PSMG2: variants seen among roughly 807,000 people sequenced by gnomAD.
PSMG2 encodes the protein proteasome assembly chaperone 2, also known as CD40 ligand-activated specific transcript 3.
In PSMG2, 21 loss-of-function variants were observed where a neutral mutation model predicts 31.5. The ratio of observed to expected loss-of-function variants is 0.67; its 90% CI spans 0.47 to 0.96. The LOEUF is 0.96. Ranked by LOEUF, PSMG2 falls within the 40% of genes least tolerant of loss-of-function variation. The pLI is 0.00. For synonymous variants in PSMG2, 120 were observed against 110.4 expected, an observed-to-expected ratio of 1.09 and a Z score of -0.54; for missense variants, 318 against 321.2, an observed-to-expected ratio of 0.99 and a Z score of 0.08.
chr18:12,698,001 ATACCTT>A (rs1205271858), intron 1 of PSMG2, among the ~76,000 whole-genome samples: 1 of 152,140 alleles, frequency 6.6e-6, no homozygotes, highest in East Asian at 1.9e-4. Flanking sequence ...AAAATACAAA[ATACCTT>A]TACTGAAAGA....
intron 1 of PSMG2, among the ~76,000 whole-genome samples, chr18:12,693,696 T>C (rs1433896294): frequency 2.0e-5 from 3 of 151,996 alleles, no homozygotes; most frequent in East Asian, 1.9e-4. Flanking sequence ...GGCAGGAGAA[T>C]TGCTTGAACT....
At chr18:12,717,702 A>T (rs1001495017) in intron 3 of PSMG2, among the ~76,000 whole-genome samples, 1 of 152,226 alleles carries the variant, frequency 6.6e-6, no homozygotes, top group Admixed American at 6.5e-5. Context: ...TTTGGCTGTT[A>T]CATCTTTTTA....
intron 1 of PSMG2, among the ~76,000 whole-genome samples, chr18:12,683,117 G>A (rs760962383): frequency 8.7e-5 from 13 of 149,406 alleles, no homozygotes; most frequent in Non-Finnish European, 1.5e-4. Flanking sequence ...AGGCTGAAGC[G>A]GGCAGATCAC....
intron 1 of PSMG2, chr18:12,691,620 T>A (rs1244715047): frequency 1.7e-6 from 1 of 580,426 alleles, no homozygotes; most frequent in Non-Finnish European, 2.9e-6. Context: ...TATAAGAGCC[T>A]CCTGACTTCC....
chr18:12,666,559 C>A (rs1165306079), intron 1 of PSMG2, among the ~76,000 whole-genome samples: 1 of 151,230 alleles, frequency 6.6e-6, no homozygotes, highest in African/African-American at 2.4e-5. Flanking sequence ...CCCACCTCAG[C>A]TTCTCAAATA....
chr18:12,672,838 G>C, intron 1 of PSMG2: 1 of 984,878 alleles, frequency 1.0e-6, no homozygotes, highest in Non-Finnish European at 1.2e-6. Flanking sequence ...TAAATTTCTG[G>C]ACAGTCTCAA....
intron 5 of PSMG2, among the ~76,000 whole-genome samples, chr18:12,723,611 C>T (rs972949731): frequency 8.5e-5 from 13 of 152,062 alleles, no homozygotes; most frequent in Admixed American, 8.5e-4. Context: ...AGGCTGGTCT[C>T]GAACTCCTGA....
At chr18:12,674,828 T>C in intron 1 of PSMG2, 1 of 889,000 alleles carries the variant, frequency 1.1e-6, no homozygotes, top group East Asian at 2.7e-5. Context: ...AAAATGTTGA[T>C]TATTTTAATG....
intron 1 of PSMG2, among the ~76,000 whole-genome samples, chr18:12,666,436 G>GTTTT (rs557490556): frequency 9.5e-5 from 12 of 126,624 alleles, no homozygotes; most frequent in South Asian, 7.7e-4. Flanking sequence ...AAATTTTATG[G>GTTTT]TTTTTTTTTT....
chr18:12,672,946 C>T, intron 1 of PSMG2: 1 of 982,424 alleles, frequency 1.0e-6, no homozygotes, highest in Non-Finnish European at 1.2e-6. Context: ...TTAATTTCTC[C>T]TAATCTGTAT....
chr18:12,699,522 C>G (rs1426921257), upstream of PSMG2, among the ~76,000 whole-genome samples: 1 of 152,154 alleles, frequency 6.6e-6, no homozygotes, highest in African/African-American at 2.4e-5. Flanking sequence ...CAAACCAACT[C>G]ATATAATTAT....
chr18:12,697,482 T>A, intron 1 of PSMG2: 1 of 981,002 alleles, frequency 1.0e-6, no homozygotes, highest in Non-Finnish European at 1.5e-6. Flanking sequence ...ATACTTTTAT[T>A]AAACAGTAAA....
At chr18:12,686,991 GA>G (rs1164150014) in intron 1 of PSMG2, among the ~76,000 whole-genome samples, 1 of 152,150 alleles carries the variant, frequency 6.6e-6, no homozygotes, top group Admixed American at 6.6e-5. Context: ...AAACACTCTA[GA>G]AAAAGTTTTA....
chr18:12,676,278 CCT>C (rs2039128262), intron 1 of PSMG2, among the ~76,000 whole-genome samples: 1 of 137,312 alleles, frequency 7.3e-6, no homozygotes, highest in African/African-American at 2.6e-5. Flanking sequence ...AACAGTAATT[CCT>C]TTTTTTTTTT....
At chr18:12,678,170 G>C (rs764882115) in intron 1 of PSMG2, 2 of 1,613,944 alleles carry the variant, frequency 1.2e-6, no homozygotes, top group South Asian at 1.1e-5. Context: ...TGTTACTGAC[G>C]CGTCAATTGT....
At chr18:12,716,463 G>A (rs1401051992) in intron 3 of PSMG2, among the ~76,000 whole-genome samples, 1 of 146,536 alleles carries the variant, frequency 6.8e-6, no homozygotes, top group African/African-American at 2.6e-5. Context: ...GCATGATCTC[G>A]GCTCACTGCA....
intron 1 of PSMG2, among the ~76,000 whole-genome samples, chr18:12,692,628 T>G (rs1056619313): frequency 2.0e-5 from 3 of 152,198 alleles, no homozygotes; most frequent in African/African-American, 7.2e-5. Flanking sequence ...ATATCACCTG[T>G]AATAATTCTC....
intron 1 of PSMG2, 63 bp from the exon 2 acceptor site, chr18:12,706,486 CA>C (rs1568039956): frequency 6.4e-7 from 1 of 1,559,444 alleles, no homozygotes; most frequent in Non-Finnish European, 8.8e-7. Flanking sequence ...GACTCTGTTT[CA>C]AAAAATAAAA....
At chr18:12,678,164 A>G (rs1266585602) in intron 1 of PSMG2, 1 of 1,614,176 alleles carries the variant, frequency 6.2e-7, no homozygotes, top group Admixed American at 1.7e-5. Context: ...ATTACTTGTT[A>G]CTGACGCGTC....
Sources: gnomAD v4.1 joint callset for allele counts (sites outside exome capture counted in the v4.1 genomes callset) on GRCh38, gnomAD v4.1.1 for gene constraint, MANE v1.5 for transcripts, NCBI Gene and HGNC (gene_info 2026-07-23, HGNC 2026-07-21) for gene names.